The following TSPEAR variants were observed in gnomAD, a reference collection of about 807,000 sequenced individuals.
The protein encoded by TSPEAR is thrombospondin-type laminin G domain and EAR repeat-containing protein.
A neutral mutation model predicts 71.6 loss-of-function variants in TSPEAR; 69 were observed. That is an observed-to-expected ratio of 0.96 (90% CI 0.79 to 1.18). The LOEUF is 1.18. Among genes scored for constraint, TSPEAR ranks in the 50% most tolerant of loss-of-function variants. TSPEAR has a pLI of 0.00. For missense variants in TSPEAR, 971 were observed against 894.9 expected (o/e 1.09, Z -1.09); for synonymous variants, 402 against 387.2 (o/e 1.04, Z -0.45).
At chr21:44,701,995 T>C (rs1004686) in intron 1 of TSPEAR, among the ~76,000 whole-genome samples, 64,330 of 151,998 alleles carry the variant, frequency 0.42, 13,965 homozygotes, top group South Asian at 0.61. Flanking sequence ...GTTCTCTGTC[T>C]TCTATCTCTG....
At chr21:44,666,203 T>G in intron 1 of TSPEAR, 1 of 501,454 alleles carries the variant, frequency 2.0e-6, no homozygotes, top group Non-Finnish European at 3.5e-6. Flanking sequence ...TGGGGAAAGC[T>G]GGTTTATTTG....
intron 1 of TSPEAR, among the ~76,000 whole-genome samples, chr21:44,604,489 G>A (rs781891278): frequency 1.3e-5 from 2 of 151,976 alleles, no homozygotes; most frequent in East Asian, 1.9e-4. Flanking sequence ...AGACTTACAT[G>A]TCAAAGATAA....
chr21:44,567,485 T>A (rs2053718218), intron 2 of TSPEAR, among the ~76,000 whole-genome samples: 1 of 152,196 alleles, frequency 6.6e-6, no homozygotes, highest in Non-Finnish European at 1.5e-5. Context: ...TGTCCCTTTT[T>A]AGATGTGATT....
At chr21:44,676,954 A>G (rs1555946973) in intron 1 of TSPEAR, 1 of 915,632 alleles carries the variant, frequency 1.1e-6, no homozygotes, top group East Asian at 2.4e-5. Context: ...ATCAGTAGAG[A>G]GCTTGTCAGC....
At chr21:44,544,691 C>T (rs587704504) in intron 2 of TSPEAR, among the ~76,000 whole-genome samples, 87 of 152,090 alleles carry the variant, frequency 5.7e-4, no homozygotes, top group African/African-American at 1.6e-3. Context: ...ATGTGCTGCC[C>T]GGGGGGAGCC....
intron 1 of TSPEAR, chr21:44,627,600 C>G: frequency 6.2e-7 from 1 of 1,612,756 alleles, no homozygotes; most frequent in African/African-American, 1.3e-5. Flanking sequence ...GCTGTGTGCC[C>G]GTCTGCTGCA....
Position 44,509,167 on chromosome 21 carries a change from C to T in TSPEAR, c.1754+32G>A. ...ACATGGTGGGCCTCCCAGAGATCAGCCCACCTCCCACTGGCCTGTGGAGGC... is the reference window on the plus strand; with the variant it reads ...ACATGGTGGGCCTCCCAGAGATCAGTCCACCTCCCACTGGCCTGTGGAGGC... On this transcript the variant is annotated intron_variant, in intron 10 of 11. Coordinates refer to ENST00000323084, the MANE Select transcript of TSPEAR (RefSeq NM_144991.3). The T allele has an allele frequency of 3.1e-6, 5 of 1,601,792 alleles. 1 individual carries two copies. In the East Asian group the frequency reaches 6.7e-5, roughly 22 times the overall value.
chr21:44,665,508 T>C (rs2225433), intron 1 of TSPEAR, among the ~76,000 whole-genome samples: 109,169 of 152,222 alleles, frequency 0.72, 39,631 homozygotes, highest in African/African-American at 0.82. Flanking sequence ...CTGAATAATT[T>C]CCTTTTCATA....
Position 44,651,654 on chromosome 21 carries a change from G to A in TSPEAR, c.82+59779C>T, listed in dbSNP as rs1230437841. Among the ~76,000 whole-genome samples the A allele has an allele frequency of 2.0e-5, 3 of 152,170 alleles. No individual in the cohort carries two copies. The East Asian group carries it at 5.8e-4, about 30-fold the overall frequency. ...GATAAGGACCCTGTGGAGACACTGG[G>A]CCCACCTGGATAATCCAGGGTACTC... is the stretch of plus-strand genomic sequence containing the variant. On this transcript the variant is annotated intron_variant, in intron 1 of 11. Transcript: ENST00000323084.
chr21:44,706,380 C>T (rs1345636337), intron 1 of TSPEAR, among the ~76,000 whole-genome samples: 1 of 151,756 alleles, frequency 6.6e-6, no homozygotes. Flanking sequence ...TGCACGCACA[C>T]ACGCGCGTGC....
chr21:44,517,822 T>G, intron 9 of TSPEAR: 1 of 471,264 alleles, frequency 2.1e-6, no homozygotes, highest in Non-Finnish European at 4.4e-6. Context: ...CCGCGGCTCC[T>G]GTGTGCTTTG....
intron 1 of TSPEAR, among the ~76,000 whole-genome samples, chr21:44,703,746 G>A (rs1440972682): frequency 1.3e-5 from 2 of 152,158 alleles, no homozygotes; most frequent in Non-Finnish European, 2.9e-5. Context: ...AATGGGATCT[G>A]GGGCCCAAGC....
intron 1 of TSPEAR, chr21:44,677,171 A>G (rs1986354934): frequency 8.4e-6 from 6 of 714,128 alleles, no homozygotes; most frequent in African/African-American, 1.8e-5. Flanking sequence ...GCTTGGCCCC[A>G]GCAACCTCTT....
chr21:44,620,054 A>G (rs1297273267), intron 1 of TSPEAR, among the ~76,000 whole-genome samples: 1 of 152,262 alleles, frequency 6.6e-6, no homozygotes, highest in African/African-American at 2.4e-5. Context: ...AAACTCTCAA[A>G]AGTCAAAACA....
At chr21:44,618,923 G>A (rs1455952447) in intron 1 of TSPEAR, among the ~76,000 whole-genome samples, 1 of 152,226 alleles carries the variant, frequency 6.6e-6, no homozygotes. Flanking sequence ...GAGATGACAT[G>A]CTTTGAGGAA....
At chr21:44,582,265 C>A (rs1175967142) in intron 1 of TSPEAR, among the ~76,000 whole-genome samples, 1 of 152,212 alleles carries the variant, frequency 6.6e-6, no homozygotes, top group East Asian at 1.9e-4. Context: ...AGATAAGTAA[C>A]CTTGAAAGAG....
At position 44,702,596 on chromosome 21, in the gene TSPEAR, G is replaced by A. The variant is rs1242153929; in HGVS notation, c.82+8837C>T. On this transcript the variant is annotated intron_variant, in intron 1 of 11. Transcript: ENST00000323084. ...CCGGCTTGCTGCACTTCCTCCTGCT[G>A]CAGACCCTCCTCCTCTGTGTCCCTC... 17 of 1,606,746 alleles carry A rather than the reference G, an allele frequency of 1.1e-5. No individual in the cohort carries two copies. The Admixed American group carries it at 2.8e-4, about 27-fold the overall frequency.
Position 44,628,158 on chromosome 21 carries a change from C to A in TSPEAR, c.83-60153G>T, listed in dbSNP as rs1237216299. ...ACAGCTCAACACAGAAGGAGCAGCC[C>A]CAGCCACAGCCGCCCAGCCCCGGGG... On this transcript the variant is annotated intron_variant, in intron 1 of 11. Coordinates refer to ENST00000323084, the MANE Select transcript of TSPEAR (RefSeq NM_144991.3). 9.2e-5 allele frequency: 125 copies of A among 1,357,828 alleles called. 1 individual carries two copies. Among genetic ancestry groups the A allele is most frequent in the Non-Finnish European group, 2.3e-5 (23 of 991,034 alleles). The allele number at this position is 1,357,828 out of a possible 1,614,324, so 84.1% of individuals were successfully genotyped here.
At chr21:44,575,137 G>A (rs1447637064) in intron 1 of TSPEAR, 2 of 995,526 alleles carry the variant, frequency 2.0e-6, no homozygotes, top group African/African-American at 3.3e-5. Flanking sequence ...CTGTTGAGCT[G>A]GACAATGGAA....
Sources: allele counts gnomAD v4.1 joint callset (sites outside exome capture counted in the v4.1 genomes callset), GRCh38; gene constraint gnomAD v4.1.1; transcripts MANE v1.5; gene names NCBI Gene and HGNC (gene_info 2026-07-23, HGNC 2026-07-21).